Variants in ADAMTSL1 observed in about 807,000 individuals in gnomAD.
ADAMTSL1 encodes ADAMTS like 1.
In ADAMTSL1, 126 loss-of-function variants were observed where a neutral mutation model predicts 201.8. The ratio of observed to expected loss-of-function variants is 0.62; its 90% CI spans 0.54 to 0.72. The LOEUF is 0.72. ADAMTSL1 is among the 30% of genes least tolerant of loss of function. The probability of loss-of-function intolerance (pLI) is 0.00; values close to 1 mark genes in which losing one functional copy is unlikely to be tolerated. For missense variants in ADAMTSL1, 2,679 were observed against 2,277.8 expected (o/e 1.18, Z -3.59); for synonymous variants, 1,121 against 903.4 (o/e 1.24, Z -4.32).
At chr9:18,473,922 C>T (rs769741357), upstream of ADAMTSL1, 43 of 377,828 alleles carry the variant, frequency 1.1e-4, no homozygotes, top group Admixed American at 1.8e-4. Flanking sequence ...TGCTCGCTCG[C>T]CTTTCTTTTT....
chr9:18,620,409 T>C (rs1564094412), intron 4 of ADAMTSL1, among the ~76,000 whole-genome samples: 2 of 152,204 alleles, frequency 1.3e-5, no homozygotes, highest in Non-Finnish European at 2.9e-5. Context: ...GCACAGTGGC[T>C]GGCCCATAGC....
intron 16 of ADAMTSL1, among the ~76,000 whole-genome samples, chr9:18,757,345 A>G (rs7037768): frequency 0.94 from 143,112 of 152,146 alleles, 67,327 homozygotes; most frequent in African/African-American, 0.96. Flanking sequence ...GGTTATAAGT[A>G]ACTTATTGCA....
chr9:18,121,488 G>A (rs942532687), intron 1 of ADAMTSL1, among the ~76,000 whole-genome samples: 3 of 152,142 alleles, frequency 2.0e-5, no homozygotes, highest in African/African-American at 7.2e-5. Flanking sequence ...TATTAAACAA[G>A]CCATCGAAAT....
At chr9:18,869,719 CT>C (rs1302384594) in intron 23 of ADAMTSL1, among the ~76,000 whole-genome samples, 4 of 152,080 alleles carry the variant, frequency 2.6e-5, no homozygotes, top group Non-Finnish European at 5.9e-5. Flanking sequence ...TGTAGTCTAG[CT>C]TTTTTTCTGT....
intron 1 of ADAMTSL1, among the ~76,000 whole-genome samples, chr9:17,927,043 C>T (rs1826566848): frequency 6.6e-6 from 1 of 152,128 alleles, no homozygotes; most frequent in Admixed American, 6.6e-5. Context: ...AGTCTATAGC[C>T]ACGAACAACT....
Position 18,622,402 on chromosome 9 carries a change from T to G in ADAMTSL1, c.601+33T>G. The G allele has an allele frequency of 1.9e-6, 3 of 1,613,826 alleles. No individual in the cohort carries two copies. In the Admixed American group the frequency reaches 5.0e-5, roughly 27 times the overall value. Reference sequence around the variant, plus strand: ...ACACAGAGATGGGCGACCTTTGGACTTGTTGACTTATCCTCTCCTGGCTTA... The same window carrying G: ...ACACAGAGATGGGCGACCTTTGGACGTGTTGACTTATCCTCTCCTGGCTTA... On this transcript the variant is annotated intron_variant, in intron 5 of 28. Transcript: ENST00000380548.
chr9:18,248,652 T>C (rs908046454), intron 2 of ADAMTSL1, among the ~76,000 whole-genome samples: 2 of 152,128 alleles, frequency 1.3e-5, no homozygotes, highest in African/African-American at 4.8e-5. Flanking sequence ...AGGACTAGGA[T>C]TCTTCCACGT....
Position 18,316,123 on chromosome 9 carries a change from G to A in ADAMTSL1, c.207+152142G>A, listed in dbSNP as rs1277116634. On this transcript the variant is annotated intron_variant, in intron 2 of 29. Coordinates refer to the ADAMTSL1 transcript ENST00000680146. The stretch of plus-strand genomic sequence containing the variant: ...AGGGATTTTCAAAAGGGGAGGGAAT[G>A]TGCGAATAGGTGTGGGTCACAGACA... Among the ~76,000 whole-genome samples, 38 of 152,156 alleles carry A rather than the reference G, an allele frequency of 2.5e-4. 1 individual carries two copies. The highest frequency in any genetic ancestry group is 2.4e-5 in the African/African-American group (1 of 41,452).
intron 16 of ADAMTSL1, among the ~76,000 whole-genome samples, chr9:18,760,752 C>CT (rs1456170121): frequency 6.6e-6 from 1 of 152,228 alleles, no homozygotes; most frequent in East Asian, 1.9e-4. Flanking sequence ...GGTGCACCGT[C>CT]TAAGGACTGC....
intron 2 of ADAMTSL1, among the ~76,000 whole-genome samples, chr9:18,517,801 T>C (rs937508927): frequency 3.9e-5 from 6 of 152,210 alleles, no homozygotes; most frequent in Non-Finnish European, 8.8e-5. Context: ...CAGTCTATCA[T>C]TGTTGGACAT....
chr9:18,645,193 G>A (rs1266226144), intron 7 of ADAMTSL1, among the ~76,000 whole-genome samples: 2 of 152,186 alleles, frequency 1.3e-5, no homozygotes, highest in African/African-American at 4.8e-5. Flanking sequence ...CTTCTTTTGA[G>A]AAGTGTCTGT....
At chr9:18,081,381 G>GT (rs541072792) in intron 1 of ADAMTSL1, among the ~76,000 whole-genome samples, 6 of 151,844 alleles carry the variant, frequency 4.0e-5, no homozygotes, top group Middle Eastern at 3.2e-3. Flanking sequence ...CTTTTTCATT[G>GT]TTTTTTTCTG....
chr9:18,376,034 G>A (rs1587007505), intron 2 of ADAMTSL1, among the ~76,000 whole-genome samples: 1 of 152,152 alleles, frequency 6.6e-6, no homozygotes, highest in Non-Finnish European at 1.5e-5. Context: ...CAATCCTCTT[G>A]TAAAACAGAA....
rs574661209 is a variant in ADAMTSL1, at chr9:18,884,009, G to A, written c.4250-3822G>A. Among the ~76,000 whole-genome samples the A allele has an allele frequency of 2.6e-5, 4 of 152,290 alleles. No individual in the cohort carries two copies. The South Asian group carries it at 8.3e-4, about 32-fold the overall frequency. ...GGCCACCATACTGTTTTCCACAACA[G>A]CTGTTCCATTTTATATTCCCACTAG... On this transcript the variant is annotated intron_variant, in intron 23 of 28. Coordinates refer to ENST00000380548, the MANE Select transcript of ADAMTSL1 (RefSeq NM_001040272.6).
At chr9:18,483,320 A>G (rs1821822792) in intron 1 of ADAMTSL1, among the ~76,000 whole-genome samples, 1 of 152,220 alleles carries the variant, frequency 6.6e-6, no homozygotes, top group Non-Finnish European at 1.5e-5. Flanking sequence ...CATCTAGTAC[A>G]TAGGATCCAG....
At chr9:17,963,728 T>A (rs562518958) in intron 1 of ADAMTSL1, among the ~76,000 whole-genome samples, 3 of 152,294 alleles carry the variant, frequency 2.0e-5, no homozygotes, top group East Asian at 3.9e-4. Context: ...AAAACTGTAA[T>A]GGGCCTTTGT....
At chr9:18,107,510 G>A (rs1587067056) in intron 1 of ADAMTSL1, among the ~76,000 whole-genome samples, 2 of 151,996 alleles carry the variant, frequency 1.3e-5, no homozygotes, top group East Asian at 3.9e-4. Flanking sequence ...AGTACTTCAG[G>A]GAATAAGGAG....
intron 4 of ADAMTSL1, among the ~76,000 whole-genome samples, chr9:18,587,653 C>T (rs918126383): frequency 6.6e-6 from 1 of 152,136 alleles, no homozygotes; most frequent in Admixed American, 6.6e-5. Context: ...CTTCCCTTAC[C>T]AGCCTCTGGT....
chr9:18,054,332 G>A (rs559019484), intron 1 of ADAMTSL1, among the ~76,000 whole-genome samples: 1 of 152,254 alleles, frequency 6.6e-6, no homozygotes, highest in South Asian at 2.1e-4. Flanking sequence ...ATTTCTAAGA[G>A]TTTATTGCAA....
Sources: allele counts gnomAD v4.1 joint callset (sites outside exome capture counted in the v4.1 genomes callset), GRCh38; gene constraint gnomAD v4.1.1; transcripts MANE v1.5; gene names NCBI Gene and HGNC (gene_info 2026-07-23, HGNC 2026-07-21).